ACTR3C: variants seen among roughly 807,000 people sequenced by gnomAD.
ACTR3C encodes actin related protein 3C, also known as actin-related protein 3C.
In ACTR3C, 18 loss-of-function variants were observed where a neutral mutation model predicts 26.3. That is an observed-to-expected ratio of 0.68 (90% CI 0.47 to 1.01). ACTR3C has a LOEUF of 1.01. Ranked by LOEUF, ACTR3C falls within the 50% of genes least tolerant of loss-of-function variation. ACTR3C has a pLI of 0.00. For missense variants in ACTR3C, 184 were observed against 250.7 expected, an observed-to-expected ratio of 0.73 and a Z score of 1.80; for synonymous variants, 55 against 94.5, an observed-to-expected ratio of 0.58 and a Z score of 2.42.
the ACTR3C span, among the ~76,000 whole-genome samples, chr7:150,006,112 T>G: frequency 6.6e-6 from 1 of 152,152 alleles, no homozygotes; most frequent in Non-Finnish European, 1.5e-5. Flanking sequence ...GTTTCTTTCT[T>G]GTTCCCTTCA....
At chr7:150,309,416 C>A (rs1796094221) in intron 1 of ACTR3C, among the ~76,000 whole-genome samples, 2 of 152,154 alleles carry the variant, frequency 1.3e-5, no homozygotes, top group Admixed American at 6.5e-5. Flanking sequence ...GGAATCTGGC[C>A]CTCAAACCCC....
chr7:149,897,928 T>C, the ACTR3C span, among the ~76,000 whole-genome samples: 1 of 151,608 alleles, frequency 6.6e-6, no homozygotes, highest in Non-Finnish European at 1.5e-5. Flanking sequence ...CAGAAGGGCA[T>C]CTTGAGGTAA....
At chr7:150,100,862 GC>G in the ACTR3C span, among the ~76,000 whole-genome samples, 2 of 151,374 alleles carry the variant, frequency 1.3e-5, no homozygotes, top group East Asian at 3.9e-4. Context: ...ATACCACCAT[GC>G]CCAGCTAATT....
At chr7:150,091,131 G>A in the ACTR3C span, among the ~76,000 whole-genome samples, 6 of 147,368 alleles carry the variant, frequency 4.1e-5, no homozygotes, top group Non-Finnish European at 7.5e-5. Flanking sequence ...TCATTAGCAG[G>A]AGACCAGCCA....
chr7:150,130,022 A>T, the ACTR3C span, among the ~76,000 whole-genome samples: 1 of 152,166 alleles, frequency 6.6e-6, no homozygotes, highest in Admixed American at 6.5e-5. Flanking sequence ...AAACAGACCC[A>T]TTCATCAGTA....
chr7:150,168,567 C>T, the ACTR3C span, among the ~76,000 whole-genome samples: 1 of 150,792 alleles, frequency 6.6e-6, no homozygotes, highest in Non-Finnish European at 1.5e-5. Flanking sequence ...GTGTAATGCA[C>T]TTGAATCATC....
chr7:150,113,309 T>C, the ACTR3C span, among the ~76,000 whole-genome samples: 1 of 152,118 alleles, frequency 6.6e-6, no homozygotes, highest in Non-Finnish European at 1.5e-5. Flanking sequence ...ATGTGTGAAT[T>C]ACCTAGAAGG....
the ACTR3C span, among the ~76,000 whole-genome samples, chr7:150,183,007 G>A: frequency 6.6e-6 from 1 of 150,758 alleles, no homozygotes; most frequent in Non-Finnish European, 1.5e-5. Flanking sequence ...TTTTCAGATT[G>A]ATGAATTAGG....
At chr7:150,156,207 G>A in the ACTR3C span, among the ~76,000 whole-genome samples, 1 of 152,294 alleles carries the variant, frequency 6.6e-6, no homozygotes, top group Non-Finnish European at 1.5e-5. Flanking sequence ...CAGGCGCTGA[G>A]CAACAGTCCA....
the ACTR3C span, among the ~76,000 whole-genome samples, chr7:150,035,007 C>A: frequency 8.6e-5 from 12 of 139,160 alleles, 1 homozygote; most frequent in East Asian, 4.6e-4. Flanking sequence ...TGATGGGGGT[C>A]CTCAGAGCCA....
At chr7:150,177,953 A>G in the ACTR3C span, among the ~76,000 whole-genome samples, 1 of 150,874 alleles carries the variant, frequency 6.6e-6, no homozygotes, top group Admixed American at 6.6e-5. Context: ...AATTTTATTT[A>G]AGGATAATAA....
intron 6 of ACTR3C, among the ~76,000 whole-genome samples, chr7:150,279,508 G>A (rs1201509859): frequency 1.3e-5 from 2 of 150,730 alleles, no homozygotes; most frequent in Non-Finnish European, 2.9e-5. Context: ...CCAACCCACT[G>A]CTGGATCCAG....
At chr7:150,200,495 A>G in the ACTR3C span, among the ~76,000 whole-genome samples, 1 of 152,240 alleles carries the variant, frequency 6.6e-6, no homozygotes, top group African/African-American at 2.4e-5. Flanking sequence ...TGAAGACAAT[A>G]TACACGGCCA....
chr7:150,231,451 C>T, the ACTR3C span, among the ~76,000 whole-genome samples: 2 of 151,614 alleles, frequency 1.3e-5, no homozygotes, highest in Admixed American at 1.3e-4. Flanking sequence ...CTCTTGCCTT[C>T]CCTCTCACCA....
the ACTR3C span, among the ~76,000 whole-genome samples, chr7:149,914,081 G>T: frequency 2.0e-5 from 3 of 151,336 alleles, no homozygotes; most frequent in Non-Finnish European, 4.4e-5. Context: ...GTAGAGAGGG[G>T]TCTTCCTATG....
chr7:150,289,985 A>G (rs1836108697), intron 3 of ACTR3C, among the ~76,000 whole-genome samples: 1 of 152,198 alleles, frequency 6.6e-6, no homozygotes, highest in Admixed American at 6.5e-5. Flanking sequence ...TAAGCCAACT[A>G]TAAATCTACT....
At chr7:150,020,339 G>A in the ACTR3C span, among the ~76,000 whole-genome samples, 3 of 151,938 alleles carry the variant, frequency 2.0e-5, 1 homozygote, top group African/African-American at 7.3e-5. Context: ...GGAGGAATCT[G>A]TGTTTTTTCG....
chr7:150,140,230 T>C, the ACTR3C span, among the ~76,000 whole-genome samples: 1 of 152,340 alleles, frequency 6.6e-6, no homozygotes, highest in East Asian at 1.9e-4. Context: ...CCCTAATCTT[T>C]TGCAGGAAGG....
chr7:150,195,014 A>G, the ACTR3C span, among the ~76,000 whole-genome samples: 4 of 152,028 alleles, frequency 2.6e-5, no homozygotes, highest in African/African-American at 4.8e-5. Flanking sequence ...GAATTGTTTC[A>G]GTCCAGGAAG....
Sources: allele counts gnomAD v4.1 joint callset (sites outside exome capture counted in the v4.1 genomes callset), GRCh38; gene constraint gnomAD v4.1.1; transcripts MANE v1.5; gene names NCBI Gene and HGNC (gene_info 2026-07-23, HGNC 2026-07-21).